Variants in CEP250 observed in about 807,000 individuals in gnomAD.
The protein encoded by CEP250 is centrosomal protein 250.
CEP250 carries 242 observed loss-of-function variants against 315.7 expected under a neutral mutation model. That is an observed-to-expected ratio of 0.77 (90% CI 0.69 to 0.85). CEP250 has a LOEUF of 0.85. Among genes scored for constraint, CEP250 ranks in the 40% least tolerant of loss-of-function variants. The pLI is 0.00. For missense variants in CEP250, 2,515 were observed against 2,886.4 expected (o/e 0.87, Z 2.95); for synonymous variants, 1,088 against 1,175.0 (o/e 0.93, Z 1.51).
chr20:35,472,021 T>C (rs1417074871), intron 10 of CEP250, 29 bp from the exon 11 acceptor site: 1 of 1,332,656 alleles, frequency 7.5e-7, no homozygotes, highest in African/African-American at 1.4e-5. Flanking sequence ...AGAGTTTGGC[T>C]CTGAGGCTCT....
chr20:35,467,168 G>T lies in CEP250; in HGVS notation c.599+96G>T. The T allele has an allele frequency of 3.4e-6, 4 of 1,173,166 alleles. No homozygotes were observed. In the East Asian group the frequency reaches 7.3e-5, roughly 22 times the overall value. 72.7% of individuals were successfully genotyped at this position (1,173,166 alleles called of 1,614,324 possible). The stretch of plus-strand genomic sequence containing the variant: ...AGAAGCGGGATCAGCTGTGGGGGTG[G>T]GGTGGGTGGGGGAGTTGGTAGTATT... On this transcript the variant is annotated intron_variant, in intron 8 of 34. Transcript: ENST00000397527.
Position 35,514,964 on chromosome 20 carries a change from GA to G in CEP250, c.*3339del, listed in dbSNP as rs1195534864. 1.3e-5 allele frequency: 2 copies of G among 152,248 alleles called. No homozygotes were observed. The highest frequency in any genetic ancestry group is 2.9e-5 in the Non-Finnish European group (2 of 68,086). The allele number at this position is 152,248 out of a possible 1,614,324, so 9.4% of individuals were successfully genotyped here. On this transcript the variant is annotated 3_prime_UTR_variant, in exon 35 of 35. Transcript: ENST00000397527. ...AATAGGCCCTGTTTTATTCTACAGA[GA>G]TAGGAAGGCACTGGGGCTCACAGAG...
At position 35,512,156 on chromosome 20, in the gene CEP250, C is replaced by T; in HGVS notation, c.*530C>T. On this transcript the variant is annotated 3_prime_UTR_variant, in exon 35 of 35. Coordinates refer to ENST00000397527, the MANE Select transcript of CEP250 (RefSeq NM_007186.6). ...AAAGCCCCTGTCCACAGACAGCCTA[C>T]AGTCCAGTTGATGAGAACAGGCTAA... is the stretch of plus-strand genomic sequence containing the variant. The T allele has an allele frequency of 2.0e-6, 1 of 488,556 alleles. No homozygotes were observed. The highest frequency in any genetic ancestry group is 2.7e-6 in the Non-Finnish European group (1 of 374,672). The allele number at this position is 488,556 out of a possible 1,614,324, so 30.3% of individuals were successfully genotyped here.
rs754155843 is a variant in CEP250 at position 35,503,040 on chromosome 20, C to T, written c.4671C>T (p.Cys1557=). 6.2e-7 allele frequency: 1 copy of T among 1,614,140 alleles called. No homozygotes were observed. The highest frequency in any genetic ancestry group is 8.5e-7 in the Non-Finnish European group (1 of 1,180,020). ...DLKKQLVTLE[C]LALELEENHH... ...AAAAGCAGTTGGTTACTCTGGAATG[C>T]CTGGCCCTGGAACTGGAGGAAAACC... Residue 1557 remains cysteine, a synonymous_variant, in exon 30 of 35, where the codon TGC becomes TGT. Coordinates refer to ENST00000397527, the MANE Select transcript of CEP250 (RefSeq NM_007186.6). The surrounding 1 kb of genome is among the most constrained non-coding windows in gnomAD (Gnocchi z 4.2).
At chr20:35,472,535 C>A in intron 11 of CEP250, 138 bp from the exon 12 acceptor site, 1 of 866,620 alleles carries the variant, frequency 1.2e-6, no homozygotes, top group South Asian at 1.7e-5. Context: ...CTTTTATGCT[C>A]AGATACTCCC....
intron 14 of CEP250, 47 bp from the exon 15 acceptor site, chr20:35,475,455 G>T (rs937928370): frequency 2.9e-5 from 47 of 1,597,742 alleles, no homozygotes; most frequent in Non-Finnish European, 3.5e-5. Flanking sequence ...TTGGGGTTAT[G>T]GCCCATCCCT....
chr20:35,508,101 G>C lies in CEP250; in HGVS notation c.6817G>C (p.Glu2273Gln). 3 of 1,614,160 alleles carry C rather than the reference G, an allele frequency of 1.9e-6. No individual in the cohort carries two copies. The highest frequency in any genetic ancestry group is 2.5e-6 in the Non-Finnish European group (3 of 1,180,020). ...GAAGCAGTCATGGAGACAAAGGCTT[G>C]AACACCTGCAGCAAGCAGTGGCCCG... is the stretch of plus-strand genomic sequence containing the variant. ...MEKQSWRQRL[E>Q]HLQQAVARLE... is the part of the protein sequence containing the mutation. The change falls in exon 32 of 35, where the codon GAA becomes CAA. Residue 2273 changes from glutamate (E) to glutamine (Q), a missense_variant. By Grantham distance (29) the Glu-to-Gln change is conservative. Transcript: ENST00000397527.
chr20:35,458,948 A>G (rs929840821), intron 2 of CEP250, among the ~76,000 whole-genome samples: 1 of 100,846 alleles, frequency 9.9e-6, no homozygotes, highest in African/African-American at 4.2e-5. Flanking sequence ...AGTATGGTAT[A>G]TTTGCTATAA....
At chr20:35,469,764 A>G (rs1258314965) in intron 9 of CEP250, 126 bp from the exon 10 acceptor site, 2 of 547,514 alleles carry the variant, frequency 3.7e-6, no homozygotes, top group Non-Finnish European at 6.4e-6. Flanking sequence ...GGGGGTGCCT[A>G]AGGGATTTGG....
rs562789216 is a variant in CEP250 at position 35,512,168 on chromosome 20, T to C, written c.*542T>C. ...CACAGACAGCCTACAGTCCAGTTGA[T>C]GAGAACAGGCTAACACTCATTTATG... On this transcript the variant is annotated 3_prime_UTR_variant, in exon 35 of 35. Coordinates refer to ENST00000397527, the MANE Select transcript of CEP250 (RefSeq NM_007186.6). The C allele has an allele frequency of 4.4e-4, 161 of 367,688 alleles. 5 individuals are homozygous for C. In the South Asian group the frequency reaches 0.016, roughly 36 times the overall value. 22.8% of individuals were successfully genotyped at this position (367,688 alleles called of 1,614,324 possible).
chr20:35,504,547 C>T lies in CEP250; in HGVS notation c.6178C>T (p.Leu2060=). ...ELRHQQEREQ[L]LEKSLAQRVQ... is the part of the protein sequence containing the mutation. ...GAGACATCAGCAGGAACGGGAGCAG[C>T]TGCTGGAGAAGTCTCTGGCCCAGAG... The change falls in exon 30 of 35, where the codon CTG becomes TTG. Residue 2060 remains leucine (L), a synonymous_variant. Transcript: ENST00000397527. 4.3e-6 allele frequency: 7 copies of T among 1,614,038 alleles called. No individual in the cohort carries two copies. Among genetic ancestry groups the T allele is most frequent in the Non-Finnish European group, 5.9e-6 (7 of 1,179,962 alleles).
Position 35,501,929 on chromosome 20 carries a change from G to A in CEP250, c.3983G>A (p.Arg1328His), listed in dbSNP as rs769794651. ...GAAACTATGGCATCCTTACAGAGTC[G>A]CCTGCGGAGAGCAGAGCTACAGCGA... is the stretch of plus-strand genomic sequence containing the variant. The part of the protein sequence containing the change: ...LHETMASLQS[R>H]LRRAELQRME... The change falls in exon 29 of 35, where the codon CGC becomes CAC. Residue 1328 changes from arginine (R) to histidine (H), a missense_variant. Arg to His is a conservative substitution (Grantham distance 29). Transcript: ENST00000397527. 9.3e-6 allele frequency: 15 copies of A among 1,613,352 alleles called. No homozygotes were observed. The highest frequency in any genetic ancestry group is 2.2e-5 in the East Asian group (1 of 44,874).
chr20:35,500,217 G>A (rs374206245), intron 28 of CEP250, 48 bp downstream of exon 28: 1 of 1,607,228 alleles, frequency 6.2e-7, no homozygotes, highest in African/African-American at 1.3e-5. Context: ...GAAGGGATAG[G>A]TGGGGAGCCC....
At chr20:35,485,943 G>A (rs772204831) in intron 20 of CEP250, among the ~76,000 whole-genome samples, 2 of 150,150 alleles carry the variant, frequency 1.3e-5, no homozygotes, top group African/African-American at 2.4e-5. Flanking sequence ...GATTACAGGC[G>A]TGAGCCACCA....
chr20:35,475,466 A>G (rs1162998825), intron 14 of CEP250, 36 bp from the exon 15 acceptor site: 3 of 1,608,606 alleles, frequency 1.9e-6, no homozygotes, highest in Non-Finnish European at 2.5e-6. Context: ...GCCCATCCCT[A>G]AGAGTTCCTC....
chr20:35,498,483 G>T (rs1440071035), intron 26 of CEP250, 112 bp from the exon 27 acceptor site: 2 of 1,317,194 alleles, frequency 1.5e-6, no homozygotes, highest in Non-Finnish European at 2.1e-6. Context: ...TGAGAAAGGG[G>T]TTCTTTGCGG....
chr20:35,501,695 A>G (rs546575007), intron 28 of CEP250, 150 bp from the exon 29 acceptor site: 2 of 799,862 alleles, frequency 2.5e-6, no homozygotes, highest in African/African-American at 3.5e-5. Flanking sequence ...TGTCCTTGAT[A>G]TCTCTAGGAC....
intron 20 of CEP250, 92 bp downstream of exon 20, chr20:35,480,237 A>G: frequency 1.5e-6 from 2 of 1,331,560 alleles, no homozygotes; most frequent in Non-Finnish European, 2.0e-6. Flanking sequence ...GTATGAGTGA[A>G]ATTTTGTAAC....
At chr20:35,470,443 C>T (rs553233036) in intron 10 of CEP250, among the ~76,000 whole-genome samples, 2 of 152,240 alleles carry the variant, frequency 1.3e-5, no homozygotes, top group South Asian at 2.1e-4. Flanking sequence ...GAAGGACTGA[C>T]GCTGGGAAAA....
Sources: allele counts gnomAD v4.1 joint callset (sites outside exome capture counted in the v4.1 genomes callset), GRCh38; gene constraint gnomAD v4.1.1; non-coding constraint Gnocchi (gnomAD v3.1); transcripts MANE v1.5; gene names NCBI Gene and HGNC (gene_info 2026-07-23, HGNC 2026-07-21).